The following PDE3B variants were observed in gnomAD, a reference collection of about 807,000 sequenced individuals.
PDE3B encodes the protein cGMP-inhibited 3',5'-cyclic phosphodiesterase 3B.
Under a neutral mutation model 116.8 loss-of-function variants are expected in PDE3B, and 66 were observed. That is an observed-to-expected ratio of 0.56 (90% CI 0.46 to 0.69). PDE3B has a LOEUF of 0.69. Among genes scored for constraint, PDE3B ranks in the 30% least tolerant of loss-of-function variants. PDE3B has a pLI of 0.00. For synonymous variants in PDE3B, 595 were observed against 533.6 expected (o/e 1.12, Z -1.59); for missense variants, 1,384 against 1,368.1 (o/e 1.01, Z -0.18).
chr11:14,711,420 T>G (rs1855698165), intron 1 of PDE3B, among the ~76,000 whole-genome samples: 1 of 152,258 alleles, frequency 6.6e-6, no homozygotes, highest in Non-Finnish European at 1.5e-5. Context: ...TGGAGTAATT[T>G]ATAAGAAAAG....
rs1555008252 is a variant in PDE3B, at chr11:14,867,504, A to C, written c.2887-2A>C. The C allele has an allele frequency of 6.2e-7, 1 of 1,611,712 alleles. No individual in the cohort carries two copies. The highest frequency in any genetic ancestry group is 8.5e-7 in the Non-Finnish European group (1 of 1,178,524). ...ATGTACTTTTCTTTTTAAAATATGCAGGGAGATGAAGAAGCAAATCTTGGT... is the reference window on the plus strand; with the variant it reads ...ATGTACTTTTCTTTTTAAAATATGCCGGGAGATGAAGAAGCAAATCTTGGT... On this transcript the variant is annotated splice_acceptor_variant, in intron 14 of 15. Coordinates refer to ENST00000282096, the MANE Select transcript of PDE3B (RefSeq NM_000922.4). LOFTEE classifies it high-confidence loss of function.
At chr11:14,779,795 C>G (rs1187145962) in intron 2 of PDE3B, among the ~76,000 whole-genome samples, 1 of 152,150 alleles carries the variant, frequency 6.6e-6, no homozygotes, top group African/African-American at 2.4e-5. Flanking sequence ...ATCATAATGA[C>G]AGGATCAAAT....
At chr11:14,834,050 A>G (rs1386095514) in intron 10 of PDE3B, among the ~76,000 whole-genome samples, 1 of 152,216 alleles carries the variant, frequency 6.6e-6, no homozygotes, top group Non-Finnish European at 1.5e-5. Context: ...TAGTACTAAT[A>G]TAAGATAATT....
At chr11:14,734,013 T>C (rs1690901541) in intron 1 of PDE3B, among the ~76,000 whole-genome samples, 1 of 152,222 alleles carries the variant, frequency 6.6e-6, no homozygotes, top group Non-Finnish European at 1.5e-5. Context: ...AAATTAAGTG[T>C]AGTCGTGAGT....
At chr11:14,769,643 A>G (rs908928576) in intron 1 of PDE3B, among the ~76,000 whole-genome samples, 13 of 147,498 alleles carry the variant, frequency 8.8e-5, no homozygotes, top group Non-Finnish European at 1.5e-4. Flanking sequence ...TGTAAAATAT[A>G]TGTACATATA....
At chr11:14,867,091 T>C (rs1590204507) in intron 14 of PDE3B, among the ~76,000 whole-genome samples, 1 of 150,194 alleles carries the variant, frequency 6.7e-6, no homozygotes, top group Middle Eastern at 3.5e-3. Flanking sequence ...GGGGTGGAGG[T>C]AGTGTTATTG....
At chr11:14,778,327 C>T (rs1289947453) in intron 2 of PDE3B, among the ~76,000 whole-genome samples, 1 of 152,162 alleles carries the variant, frequency 6.6e-6, no homozygotes, top group Non-Finnish European at 1.5e-5. Context: ...GTGGTTCTCC[C>T]AGCACGGAGT....
In PDE3B at chr11:14,734,230, C is replaced by T. The variant is rs553289043; in HGVS notation, c.979-37707C>T. Among the ~76,000 whole-genome samples, 6 of 152,288 alleles carry T rather than the reference C, an allele frequency of 3.9e-5. No individual in the cohort carries two copies. The South Asian group carries it at 1.2e-3, about 32-fold the overall frequency. On this transcript the variant is annotated intron_variant, in intron 1 of 15. Transcript: ENST00000282096. ...GTTACTACAGGCATATGCCACTACA[C>T]TTGGCTAATTTTTAATTTTTTTGTA...
chr11:14,756,445 A>G (rs1857182202), intron 1 of PDE3B, among the ~76,000 whole-genome samples: 1 of 152,148 alleles, frequency 6.6e-6, no homozygotes, highest in Non-Finnish European at 1.5e-5. Flanking sequence ...CTTTTGGTGG[A>G]GGAATCCAAC....
chr11:14,796,859 G>A (rs777551130), intron 4 of PDE3B, among the ~76,000 whole-genome samples: 16 of 152,098 alleles, frequency 1.1e-4, no homozygotes, highest in Non-Finnish European at 2.4e-4. Flanking sequence ...CTGTGCAGAA[G>A]CTCTTTAATT....
At position 14,750,467 on chromosome 11, in the gene PDE3B, C is replaced by G. The variant is rs140668566; in HGVS notation, c.979-21470C>G. On this transcript the variant is annotated intron_variant, in intron 1 of 15. Coordinates refer to ENST00000282096, the MANE Select transcript of PDE3B (RefSeq NM_000922.4). ...GTAGAAATCACAGATAACTTTATATCCACTATAGTTGTTGCAGATATTTGG... is the reference window on the plus strand; with the variant it reads ...GTAGAAATCACAGATAACTTTATATGCACTATAGTTGTTGCAGATATTTGG... Among the ~76,000 whole-genome samples, 359 of 152,064 alleles carry G rather than the reference C, an allele frequency of 2.4e-3. 1 individual carries two copies. The highest frequency in any genetic ancestry group is 8.1e-3 in the African/African-American group (337 of 41,512).
intron 1 of PDE3B, among the ~76,000 whole-genome samples, chr11:14,680,440 G>C (rs1250198570): frequency 6.6e-6 from 1 of 152,100 alleles, no homozygotes; most frequent in Admixed American, 6.5e-5. Flanking sequence ...AAATTAAACT[G>C]CCATGGAAAC....
intron 1 of PDE3B, among the ~76,000 whole-genome samples, chr11:14,699,891 C>T (rs547448762): frequency 1.3e-5 from 2 of 151,778 alleles, no homozygotes; most frequent in East Asian, 1.9e-4. Flanking sequence ...GAAACTTTTT[C>T]GAGAGCTCAG....
chr11:14,715,210 T>C (rs1367749062), intron 1 of PDE3B, among the ~76,000 whole-genome samples: 2 of 152,306 alleles, frequency 1.3e-5, no homozygotes, highest in East Asian at 1.9e-4. Context: ...TCCAGCTTTT[T>C]TCTTTTGGCT....
At chr11:14,896,495 A>G in the PDE3B span, among the ~76,000 whole-genome samples, 1 of 152,320 alleles carries the variant, frequency 6.6e-6, no homozygotes, top group South Asian at 2.1e-4. Flanking sequence ...AAGTAAATTT[A>G]TTATTTATAT....
chr11:14,689,704 G>A (rs1286700115), intron 1 of PDE3B, among the ~76,000 whole-genome samples: 3 of 152,212 alleles, frequency 2.0e-5, no homozygotes, highest in African/African-American at 7.2e-5. Context: ...AAGAGTCAGT[G>A]AAGAAAAGAG....
chr11:14,885,698 G>C, the PDE3B span: 2 of 1,431,172 alleles, frequency 1.4e-6, no homozygotes, highest in Non-Finnish European at 2.0e-6. Context: ...AATCCCAACT[G>C]TATGCACTAA....
At chr11:14,840,944 G>A (rs1013579600) in intron 11 of PDE3B, among the ~76,000 whole-genome samples, 4 of 152,144 alleles carry the variant, frequency 2.6e-5, no homozygotes, top group African/African-American at 7.2e-5. Context: ...ATTTGTTTGC[G>A]ATGTGAATGC....
rs1555008733 is a variant in PDE3B at position 14,869,683 on chromosome 11, G to T, written c.*23G>T. On this transcript the variant is annotated 3_prime_UTR_variant, in exon 16 of 16. Coordinates refer to ENST00000282096, the MANE Select transcript of PDE3B (RefSeq NM_000922.4). ...TAGCGACAGTTTGAGTAAAAGAAAA[G>T]TCATATTGAAGAAGCCCAGAGGGTT... 6.2e-7 allele frequency: 1 copy of T among 1,601,226 alleles called. No homozygotes were observed. The highest frequency in any genetic ancestry group is 1.3e-5 in the African/African-American group (1 of 74,692).
Sources: gnomAD v4.1 joint callset for allele counts (sites outside exome capture counted in the v4.1 genomes callset) on GRCh38, gnomAD v4.1.1 for gene constraint, MANE v1.5 for transcripts, NCBI Gene and HGNC (gene_info 2026-07-23, HGNC 2026-07-21) for gene names.